The following RAB7A variants were observed in gnomAD, a reference collection of about 807,000 sequenced individuals.
The protein encoded by RAB7A is ras-related protein Rab-7a.
A neutral mutation model predicts 24.5 loss-of-function variants in RAB7A; 2 were observed. The observed-to-expected ratio is 0.08, with a 90% CI of 0.03 to 0.26. RAB7A has a LOEUF of 0.26. RAB7A is among the 10% of genes least tolerant of loss of function. The probability of loss-of-function intolerance (pLI) is 1.00; values close to 1 mark genes in which losing one functional copy is unlikely to be tolerated. For missense variants in RAB7A, 118 were observed against 255.7 expected (o/e 0.46, Z 3.67); for synonymous variants, 100 against 95.9 (o/e 1.04, Z -0.25).
intron 1 of RAB7A, among the ~76,000 whole-genome samples, chr3:128,787,948 A>G (rs1327621468): frequency 6.6e-6 from 1 of 152,206 alleles, no homozygotes; most frequent in African/African-American, 2.4e-5. Flanking sequence ...TCCTGGCCTT[A>G]AGCAGTCTTC....
chr3:128,812,891 A>T (rs1456899494), intron 5 of RAB7A, among the ~76,000 whole-genome samples: 1 of 152,226 alleles, frequency 6.6e-6, no homozygotes, highest in Non-Finnish European at 1.5e-5. Context: ...CACCTCGTGC[A>T]CACACTGGCT....
intron 1 of RAB7A, among the ~76,000 whole-genome samples, chr3:128,732,742 A>G (rs1241679287): frequency 6.6e-6 from 1 of 152,160 alleles, no homozygotes; most frequent in African/African-American, 2.4e-5. Context: ...CGGGAGGATC[A>G]CTTGATTCCA....
Position 128,739,318 on chromosome 3 carries a change from G to T in RAB7A, c.-9+12959G>T, listed in dbSNP as rs1265433641. On this transcript the variant is annotated intron_variant, in intron 1 of 5. Transcript: ENST00000265062. The stretch of plus-strand genomic sequence containing the variant: ...TGAGGTCAGGAGTTCAAGACCACCA[G>T]CCTGACTAACATGGTGAAACCCCGT... Among the ~76,000 whole-genome samples the T allele has an allele frequency of 2.0e-5, 3 of 152,160 alleles. No individual in the cohort carries two copies. The East Asian group carries it at 5.8e-4, about 29-fold the overall frequency.
chr3:128,778,394 G>A (rs755838403), intron 1 of RAB7A, among the ~76,000 whole-genome samples: 3 of 151,700 alleles, frequency 2.0e-5, no homozygotes, highest in Non-Finnish European at 4.4e-5. Context: ...TTTTAATACC[G>A]TGGATATGCT....
At chr3:128,783,691 C>T (rs908728414) in intron 1 of RAB7A, among the ~76,000 whole-genome samples, 1 of 152,188 alleles carries the variant, frequency 6.6e-6, no homozygotes, top group South Asian at 2.1e-4. Flanking sequence ...CTGCGCCACC[C>T]CCCTGATGCT....
intron 1 of RAB7A, among the ~76,000 whole-genome samples, chr3:128,742,232 G>A (rs1451667602): frequency 1.3e-5 from 2 of 152,094 alleles, no homozygotes; most frequent in African/African-American, 4.8e-5. Flanking sequence ...CCCCCCGGTG[G>A]GTTCGTGATC....
At chr3:128,808,367 T>A (rs957583151) in intron 5 of RAB7A, among the ~76,000 whole-genome samples, 6 of 151,850 alleles carry the variant, frequency 4.0e-5, no homozygotes, top group African/African-American at 1.4e-4. Context: ...CTAAAAAAAA[T>A]TAAAAATTAA....
chr3:128,751,361 CAG>C (rs938429058), intron 1 of RAB7A, among the ~76,000 whole-genome samples: 2 of 152,206 alleles, frequency 1.3e-5, no homozygotes, highest in Non-Finnish European at 2.9e-5. Flanking sequence ...TGCAAAGCCT[CAG>C]GGGTGGAGCT....
At chr3:128,797,906 T>C in intron 2 of RAB7A, 37 bp from the exon 3 acceptor site, 1 of 1,609,278 alleles carries the variant, frequency 6.2e-7, no homozygotes, top group Non-Finnish European at 8.5e-7. Context: ...AGGACCCTCC[T>C]ATTTGACTTA....
intron 3 of RAB7A, chr3:128,798,821 T>TAA (rs56925997): frequency 6.2e-4 from 93 of 150,560 alleles, no homozygotes; most frequent in African/African-American, 2.0e-3. Flanking sequence ...TCTCTAAATT[T>TAA]AAAAAAAAAA....
intron 1 of RAB7A, among the ~76,000 whole-genome samples, chr3:128,742,081 A>G (rs1238451369): frequency 2.6e-5 from 4 of 152,126 alleles, no homozygotes; most frequent in Admixed American, 2.6e-4. Context: ...ATGTTCGGAC[A>G]TGTTCAGAGT....
chr3:128,803,550 C>CT (rs1029591004), intron 3 of RAB7A, among the ~76,000 whole-genome samples: 1 of 152,158 alleles, frequency 6.6e-6, no homozygotes, highest in African/African-American at 2.4e-5. Flanking sequence ...AGTTCTGAGT[C>CT]TGAGTGTATG....
rs991482452 is a variant in RAB7A at position 128,755,132 on chromosome 3, G to T, written c.-9+28773G>T. Among the ~76,000 whole-genome samples the T allele has an allele frequency of 5.3e-5, 8 of 152,144 alleles. No homozygotes were observed. In the South Asian group the frequency reaches 1.4e-3, roughly 28 times the overall value. On this transcript the variant is annotated intron_variant, in intron 1 of 5. Transcript: ENST00000265062. The stretch of plus-strand genomic sequence containing the variant: ...TTAGGCCAGAAATTAAGATTCAAGA[G>T]ATTTTTAAAAATACGATACCAAGTA...
At chr3:128,735,621 T>A (rs2070483683) in intron 1 of RAB7A, among the ~76,000 whole-genome samples, 1 of 152,224 alleles carries the variant, frequency 6.6e-6, no homozygotes, top group Non-Finnish European at 1.5e-5. Flanking sequence ...CAGAAGTGGC[T>A]TTAATGAAAA....
chr3:128,745,588 A>G (rs910878417), intron 1 of RAB7A, among the ~76,000 whole-genome samples: 10 of 152,018 alleles, frequency 6.6e-5, no homozygotes, highest in Non-Finnish European at 1.3e-4. Flanking sequence ...CTGGTCTCGA[A>G]TTCCTGACCT....
At chr3:128,743,284 A>G (rs541474981) in intron 1 of RAB7A, among the ~76,000 whole-genome samples, 1 of 152,266 alleles carries the variant, frequency 6.6e-6, no homozygotes, top group Admixed American at 6.5e-5. Flanking sequence ...GCGCAGCCCC[A>G]GTTTCCCGCC....
At chr3:128,777,695 C>T (rs544061740) in intron 1 of RAB7A, among the ~76,000 whole-genome samples, 3 of 152,292 alleles carry the variant, frequency 2.0e-5, no homozygotes, top group African/African-American at 7.2e-5. Flanking sequence ...CAGCCAAGGA[C>T]TCTATAAAAG....
chr3:128,790,123 T>C (rs1414015650), intron 1 of RAB7A, among the ~76,000 whole-genome samples: 2 of 152,198 alleles, frequency 1.3e-5, no homozygotes, highest in Non-Finnish European at 2.9e-5. Context: ...AAGTGTCCCA[T>C]TCTTGATCTG....
At chr3:128,731,296 T>C (rs2070434200) in intron 1 of RAB7A, among the ~76,000 whole-genome samples, 1 of 152,146 alleles carries the variant, frequency 6.6e-6, no homozygotes, top group South Asian at 2.1e-4. Flanking sequence ...TTATGAAAAA[T>C]AGTGTCCCTT....
Sources: gnomAD v4.1 joint callset for allele counts (sites outside exome capture counted in the v4.1 genomes callset) on GRCh38, gnomAD v4.1.1 for gene constraint, MANE v1.5 for transcripts, NCBI Gene and HGNC (gene_info 2026-07-23, HGNC 2026-07-21) for gene names.